Variants in MEIS1 observed in about 807,000 individuals in gnomAD.
The protein encoded by MEIS1 is Meis homeobox 1, also known as homeobox protein Meis1.
A neutral mutation model predicts 50.8 loss-of-function variants in MEIS1; 5 were observed. That is an observed-to-expected ratio of 0.10 (90% CI 0.05 to 0.21). The LOEUF (loss-of-function observed/expected upper bound fraction) is 0.21. Among genes scored for constraint, MEIS1 ranks in the 10% least tolerant of loss-of-function variants. MEIS1 has a pLI of 1.00. For missense variants in MEIS1, 318 were observed against 517.3 expected, an observed-to-expected ratio of 0.61 and a Z score of 3.74; for synonymous variants, 176 against 179.3, an observed-to-expected ratio of 0.98 and a Z score of 0.15.
In MEIS1 at chr2:66,473,378, C is replaced by CAAAAAAAAAAA. The variant is rs71409174; in HGVS notation, c.742+9168_742+9178dup. Among the ~76,000 whole-genome samples the CAAAAAAAAAAA allele has an allele frequency of 1.1e-3, 58 of 53,928 alleles. 7 individuals are homozygous for CAAAAAAAAAAA. The highest frequency in any genetic ancestry group is 8.5e-3 in the African/African-American group (58 of 6,816). 35.4% of individuals were successfully genotyped at this position (53,928 alleles called of 152,430 possible). A position where few individuals can be genotyped will look rare whatever the true frequency, so the allele number is the denominator to read the frequency against. The stretch of plus-strand genomic sequence containing the variant: ...GGGTAACAAGAGTGAGACTCCATGT[C>CAAAAAAAAAAA]AAAAAAAAAAAAAAAAAAAATATAT... On this transcript the variant is annotated intron_variant, in intron 7 of 12. Coordinates refer to ENST00000272369, the MANE Select transcript of MEIS1 (RefSeq NM_002398.3).
intron 8 of MEIS1, among the ~76,000 whole-genome samples, chr2:66,527,931 A>G (rs1488361626): frequency 1.3e-5 from 2 of 152,154 alleles, no homozygotes; most frequent in Non-Finnish European, 2.9e-5. Context: ...TGTACAAGGA[A>G]CCATATACAT....
chr2:66,443,213 T>A, intron 6 of MEIS1, 165 bp downstream of exon 6: 1 of 725,198 alleles, frequency 1.4e-6, no homozygotes, highest in Non-Finnish European at 2.1e-6. Context: ...TATTATTGCT[T>A]CATTAAGGCT....
chr2:66,568,584 A>G (rs1675407880), intron 10 of MEIS1, 83 bp from the exon 11 acceptor site: 1 of 1,017,794 alleles, frequency 9.8e-7, no homozygotes. Context: ...TTTCTCTGGT[A>G]TGTTCTCCTC....
intron 6 of MEIS1, among the ~76,000 whole-genome samples, chr2:66,462,743 C>T (rs1487044166): frequency 6.6e-6 from 1 of 152,232 alleles, no homozygotes; most frequent in Non-Finnish European, 1.5e-5. Context: ...TCACAGTTCA[C>T]ATATCTTTCA....
chr2:66,465,715 A>C (rs1672619879), intron 7 of MEIS1, among the ~76,000 whole-genome samples: 2 of 152,214 alleles, frequency 1.3e-5, no homozygotes, highest in African/African-American at 4.8e-5. Context: ...TAGATAGTTC[A>C]GCTGCTGCAT....
chr2:66,552,743 G>T (rs1220452228), intron 9 of MEIS1, among the ~76,000 whole-genome samples: 5 of 152,116 alleles, frequency 3.3e-5, no homozygotes, highest in African/African-American at 4.8e-5. Context: ...AGCTGTTAAA[G>T]GTCAAGTTTC....
chr2:66,484,847 A>G (rs1029451062), intron 7 of MEIS1, among the ~76,000 whole-genome samples: 1 of 152,184 alleles, frequency 6.6e-6, no homozygotes, highest in Non-Finnish European at 1.5e-5. Context: ...GGCATGAGCC[A>G]CTGCGCCTGG....
At position 66,573,607 on chromosome 2, in the gene MEIS1, C is replaced by A. The variant is rs1203425124; in HGVS notation, c.*2399C>A. On this transcript the variant is annotated 3_prime_UTR_variant, in exon 13 of 13. Transcript: ENST00000272369. ...TGCTGGAGTAGCAATGCATTCTCACCTTTTGCTGATGGGGCCTTGTTTCTA... is the reference window on the plus strand; with the variant it reads ...TGCTGGAGTAGCAATGCATTCTCACATTTTGCTGATGGGGCCTTGTTTCTA... 1 of 152,168 alleles carries A rather than the reference C, an allele frequency of 6.6e-6. No homozygotes were observed. The highest frequency in any genetic ancestry group is 1.5e-5 in the Non-Finnish European group (1 of 68,044). 9.4% of individuals were successfully genotyped at this position (152,168 alleles called of 1,614,324 possible).
intron 6 of MEIS1, among the ~76,000 whole-genome samples, chr2:66,453,688 G>A (rs1672326377): frequency 6.6e-6 from 1 of 151,896 alleles, no homozygotes; most frequent in South Asian, 2.1e-4. Flanking sequence ...TGCTTCTAAA[G>A]AAACCATAGG....
At chr2:66,461,122 T>C (rs1672508688) in intron 6 of MEIS1, among the ~76,000 whole-genome samples, 1 of 152,216 alleles carries the variant, frequency 6.6e-6, no homozygotes. Flanking sequence ...GCATTCTTGA[T>C]TTTATTCTGT....
chr2:66,561,385 A>G (rs778896608), intron 9 of MEIS1, among the ~76,000 whole-genome samples: 103 of 152,338 alleles, frequency 6.8e-4, no homozygotes, highest in Non-Finnish European at 1.2e-3. Flanking sequence ...GATAAATTTT[A>G]TATTTGAAGA....
rs1419729874 is a variant in MEIS1 at position 66,547,934 on chromosome 2, C to T, written c.889-9C>T. On this transcript the variant is annotated splice_polypyrimidine_tract_variant and intron_variant, in intron 8 of 12. Coordinates refer to ENST00000272369, the MANE Select transcript of MEIS1 (RefSeq NM_002398.3). ...CTGATGCACACGTATCTTTTTTATT[C>T]TCTTTCAGCACCCTTACCCTTCTGA... 1.7e-5 allele frequency: 27 copies of T among 1,612,578 alleles called. No homozygotes were observed. Among genetic ancestry groups the T allele is most frequent in the Non-Finnish European group, 2.3e-5 (27 of 1,179,062 alleles).
chr2:66,512,475 T>C (rs1423282290), intron 8 of MEIS1, among the ~76,000 whole-genome samples, 181 bp downstream of exon 8: 1 of 152,180 alleles, frequency 6.6e-6, no homozygotes, highest in African/African-American at 2.4e-5. Flanking sequence ...AATGAGAAAT[T>C]TTATTTAAAA....
intron 9 of MEIS1, among the ~76,000 whole-genome samples, chr2:66,560,875 A>T (rs1450421176): frequency 6.6e-6 from 1 of 152,136 alleles, no homozygotes; most frequent in Non-Finnish European, 1.5e-5. Flanking sequence ...CTGATGATGT[A>T]TTGCAATCTT....
chr2:66,514,357 C>A (rs1023141008), intron 8 of MEIS1, among the ~76,000 whole-genome samples: 1 of 152,092 alleles, frequency 6.6e-6, no homozygotes, highest in Non-Finnish European at 1.5e-5. Flanking sequence ...AACAAAAAAC[C>A]CAAATAAACT....
intron 6 of MEIS1, among the ~76,000 whole-genome samples, chr2:66,455,546 C>G (rs1672368624): frequency 6.6e-6 from 1 of 152,178 alleles, no homozygotes; most frequent in South Asian, 2.1e-4. Context: ...ATTAATTCAA[C>G]TGTGCAGGTT....
intron 5 of MEIS1, among the ~76,000 whole-genome samples, chr2:66,442,516 C>G (rs778291985): frequency 2.0e-5 from 3 of 151,992 alleles, no homozygotes; most frequent in Non-Finnish European, 4.4e-5. Flanking sequence ...TATATACACA[C>G]GTATACATTT....
At chr2:66,442,410 T>G (rs1672012799) in intron 5 of MEIS1, among the ~76,000 whole-genome samples, 1 of 152,212 alleles carries the variant, frequency 6.6e-6, no homozygotes, top group East Asian at 1.9e-4. Context: ...CCCTTAGAGA[T>G]AAAAACCTTC....
At chr2:66,556,929 C>T (rs1008997732) in intron 9 of MEIS1, among the ~76,000 whole-genome samples, 3 of 144,374 alleles carry the variant, frequency 2.1e-5, no homozygotes, top group East Asian at 2.0e-4. Context: ...TGGGAGGGGG[C>T]GCAGAGAGGG....
Sources: gnomAD v4.1 joint callset for allele counts (sites outside exome capture counted in the v4.1 genomes callset) on GRCh38, gnomAD v4.1.1 for gene constraint, MANE v1.5 for transcripts, NCBI Gene and HGNC (gene_info 2026-07-23, HGNC 2026-07-21) for gene names.